ZFYVE28: variants seen among roughly 807,000 people sequenced by gnomAD.
ZFYVE28 encodes lateral signaling target protein 2 homolog.
A neutral mutation model predicts 82.1 loss-of-function variants in ZFYVE28; 40 were observed. The observed-to-expected ratio is 0.49, with a 90% CI of 0.38 to 0.63. ZFYVE28 has a LOEUF of 0.63. ZFYVE28 is among the 30% of genes least tolerant of loss of function. The pLI is 0.00. For synonymous variants in ZFYVE28, 612 were observed against 546.1 expected, an observed-to-expected ratio of 1.12 and a Z score of -1.68; for missense variants, 1,321 against 1,242.1, an observed-to-expected ratio of 1.06 and a Z score of -0.96.
intron 8 of ZFYVE28, among the ~76,000 whole-genome samples, chr4:2,291,434 G>C (rs1006635510): frequency 6.6e-6 from 1 of 152,178 alleles, no homozygotes. Context: ...CCCCTTCTAG[G>C]CTCCCCGAGG....
chr4:2,347,135 A>G (rs1054788059), intron 2 of ZFYVE28, among the ~76,000 whole-genome samples: 4 of 152,228 alleles, frequency 2.6e-5, no homozygotes, highest in African/African-American at 9.6e-5. Flanking sequence ...TGGAGTGGCT[A>G]CATGAATACT....
Position 2,300,150 on chromosome 4 carries a change from A to G in ZFYVE28, c.2051+4139T>C, listed in dbSNP as rs1715293260. On this transcript the variant is annotated intron_variant, in intron 8 of 12. Transcript: ENST00000290974. This position sits in a 1 kb window ranked among gnomAD's most constrained non-coding sequence, Gnocchi z 4.6. ...ACAATGAACAGGGACCACATCTATA[A>G]TTAGCAAACAGGGAGTCAGTGTTAC... Among the ~76,000 whole-genome samples, 1 of 152,196 alleles carries G rather than the reference A, an allele frequency of 6.6e-6. No homozygotes were observed. The highest frequency in any genetic ancestry group is 6.5e-5 in the Admixed American group (1 of 15,278).
At chr4:2,412,035 A>G (rs1037606745) in intron 1 of ZFYVE28, among the ~76,000 whole-genome samples, 2 of 152,210 alleles carry the variant, frequency 1.3e-5, no homozygotes, top group Non-Finnish European at 2.9e-5. Context: ...AGCACATGGC[A>G]GCATCTCCCC....
chr4:2,365,219 C>G (rs1178446190), intron 1 of ZFYVE28, among the ~76,000 whole-genome samples: 1 of 152,010 alleles, frequency 6.6e-6, no homozygotes, highest in Non-Finnish European at 1.5e-5. Context: ...CCGGGTGGGC[C>G]ACGCGGGGTT....
At chr4:2,389,036 G>A (rs138738359) in intron 1 of ZFYVE28, among the ~76,000 whole-genome samples, 2,450 of 152,248 alleles carry the variant, frequency 0.016, 24 homozygotes, top group South Asian at 0.038. Context: ...CACTGTGGGG[G>A]AAGAACCTGG....
In ZFYVE28 at chr4:2,417,580, C is replaced by T. The variant is rs1320450721; in HGVS notation, c.39+705G>A. Reference sequence around the variant, plus strand: ...CAAGGGCCGGGCGGAGGACCTGTCCCGGATTCCAGAGGACGTGGGTGGGGA... The same window carrying T: ...CAAGGGCCGGGCGGAGGACCTGTCCTGGATTCCAGAGGACGTGGGTGGGGA... On this transcript the variant is annotated intron_variant, in intron 1 of 12. Transcript: ENST00000290974. This position sits in a 1 kb window ranked among gnomAD's most constrained non-coding sequence, Gnocchi z 4.8. Among the ~76,000 whole-genome samples, 2 of 152,018 alleles carry T rather than the reference C, an allele frequency of 1.3e-5. No homozygotes were observed. Among genetic ancestry groups the T allele is most frequent in the Non-Finnish European group, 2.9e-5 (2 of 67,950 alleles).
At chr4:2,307,187 C>T (rs1184312401) in intron 7 of ZFYVE28, 1 of 152,178 alleles carries the variant, frequency 6.6e-6, no homozygotes, top group Non-Finnish European at 1.5e-5. Context: ...TACTTATCAG[C>T]CCTTAGATTT....
intron 8 of ZFYVE28, among the ~76,000 whole-genome samples, chr4:2,292,639 T>C (rs1196680139): frequency 2.0e-5 from 3 of 152,224 alleles, no homozygotes; most frequent in Non-Finnish European, 2.9e-5. Flanking sequence ...ACAGACAGTC[T>C]GCTAGAAAGA....
chr4:2,303,336 C>G (rs774238050), intron 8 of ZFYVE28, among the ~76,000 whole-genome samples: 9 of 152,172 alleles, frequency 5.9e-5, no homozygotes, highest in African/African-American at 7.2e-5. Context: ...CCTGGGCCTG[C>G]CTGCCATCCT....
rs1278471104 is a variant in ZFYVE28 at position 2,332,621 on chromosome 4, A to G, written c.701+3084T>C. On this transcript the variant is annotated intron_variant, in intron 6 of 12. Transcript: ENST00000290974. This position sits in a 1 kb window ranked among gnomAD's most constrained non-coding sequence, Gnocchi z 4.7. ...CAATACTTGCTCACTGAATGAACACAGGAAGGAGCAGGTTCTGGGCCCCAC... is the reference window on the plus strand; with the variant it reads ...CAATACTTGCTCACTGAATGAACACGGGAAGGAGCAGGTTCTGGGCCCCAC... Among the ~76,000 whole-genome samples the G allele has an allele frequency of 6.6e-6, 1 of 152,176 alleles. No individual in the cohort carries two copies. Among genetic ancestry groups the G allele is most frequent in the Non-Finnish European group, 1.5e-5 (1 of 68,012 alleles).
At position 2,353,872 on chromosome 4, in the gene ZFYVE28, G is replaced by A; in HGVS notation, c.180+61C>T. 2.9e-6 allele frequency: 4 copies of A among 1,381,118 alleles called. No homozygotes were observed. The South Asian group carries it at 5.2e-5, about 18-fold the overall frequency. 85.6% of individuals were successfully genotyped at this position (1,381,118 alleles called of 1,614,324 possible). A position where few individuals can be genotyped will look rare whatever the true frequency, so the allele number is the denominator to read the frequency against. Reference sequence around the variant, plus strand: ...GGTGACAAAGCCTTGGTCTACTGAGGACAGGCCACTCTGTCCAATGCCCAG... The same window carrying A: ...GGTGACAAAGCCTTGGTCTACTGAGAACAGGCCACTCTGTCCAATGCCCAG... On this transcript the variant is annotated intron_variant, in intron 2 of 12. Transcript: ENST00000290974.
At chr4:2,407,542 C>A (rs2108682646) in intron 1 of ZFYVE28, among the ~76,000 whole-genome samples, 1 of 151,714 alleles carries the variant, frequency 6.6e-6, no homozygotes, top group South Asian at 2.1e-4. Flanking sequence ...AAAACAGCCT[C>A]CTCTCTCCCC....
At chr4:2,355,695 A>G (rs1460185450) in intron 1 of ZFYVE28, among the ~76,000 whole-genome samples, 1 of 152,118 alleles carries the variant, frequency 6.6e-6, no homozygotes, top group East Asian at 1.9e-4. Flanking sequence ...CTCCTGCCTC[A>G]GCCTCCCAAG....
chr4:2,364,448 G>C, intron 1 of ZFYVE28: 2 of 985,516 alleles, frequency 2.0e-6, no homozygotes, highest in Non-Finnish European at 1.2e-6. Flanking sequence ...GGAAAGGCTG[G>C]CAGCTTTACG....
intron 1 of ZFYVE28, among the ~76,000 whole-genome samples, chr4:2,404,319 A>AAAC (rs201414954): frequency 0.27 from 23,541 of 86,016 alleles, 3,006 homozygotes; most frequent in African/African-American, 0.41. Context: ...CAAAAAAAAA[A>AAAC]AAAAAAAAAC....
At chr4:2,393,822 C>T (rs1458770943) in intron 1 of ZFYVE28, among the ~76,000 whole-genome samples, 5 of 152,170 alleles carry the variant, frequency 3.3e-5, no homozygotes, top group African/African-American at 1.2e-4. Flanking sequence ...GCTGGCTGTG[C>T]GTGTCCCCAG....
chr4:2,346,054 G>A (rs112750878), intron 2 of ZFYVE28, among the ~76,000 whole-genome samples: 1 of 151,902 alleles, frequency 6.6e-6, no homozygotes, highest in East Asian at 1.9e-4. Flanking sequence ...CTTGGCCAGG[G>A]GCGGTGGCTC....
rs201361244 is a variant in ZFYVE28, at chr4:2,398,036, A to G, written c.39+20249T>C. Among the ~76,000 whole-genome samples, 275 of 121,580 alleles carry G rather than the reference A, an allele frequency of 2.3e-3. 1 individual carries two copies. The highest frequency in any genetic ancestry group is 0.012 in the Middle Eastern group (3 of 260). The allele number at this position is 121,580 out of a possible 152,430, so 79.8% of individuals were successfully genotyped here. A position where few individuals can be genotyped will look rare whatever the true frequency, so the allele number is the denominator to read the frequency against. On this transcript the variant is annotated intron_variant, in intron 1 of 12. Coordinates refer to ENST00000290974, the MANE Select transcript of ZFYVE28 (RefSeq NM_020972.3). ...GCGGGGTGGGGGCAGGTGAGATGGG[A>G]GGGGGGGTCCTGGCAGACGTCCACA...
Position 2,304,269 on chromosome 4 carries a change from T to C in ZFYVE28, c.2051+20A>G, listed in dbSNP as rs28625404. Reference sequence around the variant, plus strand: ...GTGCAGAGAGGACAAACCCAGTCTCTGGGCCAGACTGGCTCTTACCTGGAG... The same window carrying C: ...GTGCAGAGAGGACAAACCCAGTCTCCGGGCCAGACTGGCTCTTACCTGGAG... On this transcript the variant is annotated intron_variant, in intron 8 of 12. Coordinates refer to ENST00000290974, the MANE Select transcript of ZFYVE28 (RefSeq NM_020972.3). 5,278 of 1,539,714 alleles carry C rather than the reference T, an allele frequency of 3.4e-3. 179 individuals are homozygous for C. In the African/African-American group the frequency reaches 0.065, roughly 19 times the overall value.
Sources: gnomAD v4.1 joint callset for allele counts (sites outside exome capture counted in the v4.1 genomes callset) on GRCh38, gnomAD v4.1.1 for gene constraint, Gnocchi (gnomAD v3.1) non-coding constraint, MANE v1.5 for transcripts, NCBI Gene and HGNC (gene_info 2026-07-23, HGNC 2026-07-21) for gene names.